The following NMD3 variants were observed in gnomAD, a reference collection of about 807,000 sequenced individuals.
The protein encoded by NMD3 is NMD3 ribosome export adaptor.
In NMD3, 47 loss-of-function variants were observed where a neutral mutation model predicts 73.1. That is an observed-to-expected ratio of 0.64 (90% CI 0.51 to 0.82). The LOEUF (loss-of-function observed/expected upper bound fraction) is 0.82, where lower values mean the gene tolerates loss of function less well. Among genes scored for constraint, NMD3 ranks in the 40% least tolerant of loss-of-function variants. The pLI is 0.00. For missense variants in NMD3, 554 were observed against 612.5 expected (o/e 0.90, Z 1.01); for synonymous variants, 210 against 194.5 (o/e 1.08, Z -0.66).
At chr3:161,247,988 G>A (rs773565455) in intron 13 of NMD3, among the ~76,000 whole-genome samples, 1 of 151,532 alleles carries the variant, frequency 6.6e-6, no homozygotes, top group African/African-American at 2.4e-5. Context: ...GTCTTGTTAT[G>A]TTGCTCAGGC....
downstream of NMD3, chr3:161,252,775 C>T (rs1254396085): frequency 1.5e-6 from 1 of 686,134 alleles, no homozygotes; most frequent in African/African-American, 1.8e-5. Context: ...GTAGCCAAAT[C>T]TGCACCTGAA....
intron 10 of NMD3, 43 bp downstream of exon 10, chr3:161,241,206 T>A: frequency 9.2e-7 from 1 of 1,082,410 alleles, no homozygotes; most frequent in Non-Finnish European, 1.4e-6. Context: ...TTGTTTTGTA[T>A]GACAAACAAT....
intron 3 of NMD3, among the ~76,000 whole-genome samples, chr3:161,225,511 T>C (rs1736278818): frequency 6.6e-6 from 1 of 152,234 alleles, no homozygotes; most frequent in Non-Finnish European, 1.5e-5. Flanking sequence ...CTATTGTTGA[T>C]GGAAAAGAAG....
At chr3:161,249,319 GTC>G in intron 13 of NMD3, 133 bp from the exon 14 acceptor site, 1 of 521,854 alleles carries the variant, frequency 1.9e-6, no homozygotes, top group Non-Finnish European at 3.4e-6. Flanking sequence ...TCTTGACACT[GTC>G]TCTCCATCCC....
In NMD3 at chr3:161,250,839, G is replaced by T. The variant is rs143131478; in HGVS notation, c.1441G>T (p.Ala481Ser). 6.2e-7 allele frequency: 1 copy of T among 1,611,760 alleles called. No individual in the cohort carries two copies. The highest frequency in any genetic ancestry group is 1.3e-5 in the African/African-American group (1 of 74,850). The change falls in exon 16 of 16, where the codon GCT (alanine) becomes TCT (serine). Residue 481 changes from alanine (A) to serine (S), a missense_variant. Coordinates refer to ENST00000351193, the MANE Select transcript of NMD3 (RefSeq NM_015938.5). ...DDEGAPRISL[A>S]EMLEDLHISQ... Reference sequence around the variant, plus strand: ...TGAAGGAGCACCTCGAATTAGTCTGGCTGAGATGCTTGAAGACCTTCATAT... The same window carrying T: ...TGAAGGAGCACCTCGAATTAGTCTGTCTGAGATGCTTGAAGACCTTCATAT...
At chr3:161,240,180 C>T (rs917321743) in intron 9 of NMD3, among the ~76,000 whole-genome samples, 5 of 152,136 alleles carry the variant, frequency 3.3e-5, no homozygotes, top group African/African-American at 1.2e-4. Context: ...ATAGATACAC[C>T]TTAAAATATA....
intron 1 of NMD3, 38 bp from the exon 2 acceptor site, chr3:161,221,956 C>A: frequency 1.9e-6 from 2 of 1,029,926 alleles, no homozygotes; most frequent in Non-Finnish European, 2.7e-6. Context: ...TCCCAACATT[C>A]TCTTTTTTTT....
chr3:161,246,701 A>ATATTTAGAAC (rs1737222794), intron 12 of NMD3, among the ~76,000 whole-genome samples: 1 of 152,198 alleles, frequency 6.6e-6, no homozygotes, highest in Non-Finnish European at 1.5e-5. Context: ...TTGAAGTTAT[A>ATATTTAGAAC]TGGTTGTATC....
chr3:161,238,106 T>C lies in NMD3; in HGVS notation c.578-7T>C, dbSNP rs1384184063. The C allele has an allele frequency of 1.3e-6, 2 of 1,573,732 alleles. No individual in the cohort carries two copies. The highest frequency in any genetic ancestry group is 1.9e-5 in the Admixed American group (1 of 52,094). ...TATTTTCATAGGGCTTTTTTTTTTTTTTTAAGATGGTCTGGATTTTTATTA... is the reference window on the plus strand; with the variant it reads ...TATTTTCATAGGGCTTTTTTTTTTTCTTTAAGATGGTCTGGATTTTTATTA... On this transcript the variant is annotated splice_region_variant and splice_polypyrimidine_tract_variant and intron_variant, in intron 7 of 15. Coordinates refer to ENST00000351193, the MANE Select transcript of NMD3 (RefSeq NM_015938.5).
chr3:161,244,743 C>T (rs964290863), intron 11 of NMD3, among the ~76,000 whole-genome samples: 2 of 150,632 alleles, frequency 1.3e-5, no homozygotes, highest in Admixed American at 1.3e-4. Context: ...TTGTGTGCTC[C>T]AGTGATCTTA....
At chr3:161,233,326 T>C (rs1232060380) in intron 4 of NMD3, 73 bp from the exon 5 acceptor site, 3 of 965,708 alleles carry the variant, frequency 3.1e-6, no homozygotes, top group African/African-American at 1.6e-5. Flanking sequence ...TGCTTATTGA[T>C]GATTTGTTCT....
At position 161,237,521 on chromosome 3, in the gene NMD3, T is replaced by C. The variant is rs1281601705; in HGVS notation, c.578-592T>C. Among the ~76,000 whole-genome samples the C allele has an allele frequency of 2.0e-5, 3 of 150,488 alleles. No homozygotes were observed. In the East Asian group the frequency reaches 5.9e-4, roughly 30 times the overall value. On this transcript the variant is annotated intron_variant, in intron 7 of 15. Transcript: ENST00000351193. ...TCTTCTTGGTAGATTATTCCATTTA[T>C]TACATAAAATAACTTTCTTTTTTTT... is the stretch of plus-strand genomic sequence containing the variant.
intron 4 of NMD3, among the ~76,000 whole-genome samples, chr3:161,229,761 C>T (rs1012565107): frequency 1.3e-5 from 2 of 152,054 alleles, no homozygotes; most frequent in Non-Finnish European, 2.9e-5. Flanking sequence ...GAGGAGGAAT[C>T]AGCAAAGGAG....
At chr3:161,235,034 A>G in intron 6 of NMD3, 88 bp from the exon 7 acceptor site, 1 of 874,662 alleles carries the variant, frequency 1.1e-6, no homozygotes, top group Non-Finnish European at 1.8e-6. Flanking sequence ...AAAAATCAGT[A>G]TGCTCTATCT....
chr3:161,235,941 T>A (rs568434938), intron 7 of NMD3, among the ~76,000 whole-genome samples: 5 of 152,218 alleles, frequency 3.3e-5, no homozygotes, highest in African/African-American at 1.2e-4. Context: ...TTATGTTAGT[T>A]TTTTCAAAAA....
intron 5 of NMD3, among the ~76,000 whole-genome samples, chr3:161,234,469 C>T (rs1169383853): frequency 6.7e-6 from 1 of 149,234 alleles, no homozygotes; most frequent in Admixed American, 6.7e-5. Context: ...GTAAAATATA[C>T]ACAGAATATT....
At chr3:161,249,187 G>T (rs1295866385) in intron 13 of NMD3, among the ~76,000 whole-genome samples, 1 of 152,112 alleles carries the variant, frequency 6.6e-6, no homozygotes, top group Non-Finnish European at 1.5e-5. Flanking sequence ...TACAGTTTTT[G>T]TTATTAAGAA....
Position 161,250,967 on chromosome 3 carries a change from T to G in NMD3, c.*57T>G, listed in dbSNP as rs532676078. The stretch of plus-strand genomic sequence containing the variant: ...CTTAAGAAGTTGGACAGAGTTACCT[T>G]AAGTGTCTCTACTATCTTTGCCTCC... On this transcript the variant is annotated 3_prime_UTR_variant, in exon 16 of 16. Coordinates refer to ENST00000351193, the MANE Select transcript of NMD3 (RefSeq NM_015938.5). 3 of 1,414,726 alleles carry G rather than the reference T, an allele frequency of 2.1e-6. No individual in the cohort carries two copies. Among genetic ancestry groups the G allele is most frequent in the African/African-American group, 2.8e-5 (2 of 70,644 alleles). 87.6% of individuals were successfully genotyped at this position (1,414,726 alleles called of 1,614,324 possible). A position where few individuals can be genotyped will look rare whatever the true frequency, so the allele number is the denominator to read the frequency against.
At chr3:161,224,779 C>T (rs893612354) in intron 2 of NMD3, 151 bp from the exon 3 acceptor site, 15 of 678,774 alleles carry the variant, frequency 2.2e-5, no homozygotes, top group Non-Finnish European at 2.8e-5. Flanking sequence ...GAGCCACTGG[C>T]TGGCCCAGGT....
Sources: gnomAD v4.1 joint callset for allele counts (sites outside exome capture counted in the v4.1 genomes callset) on GRCh38, gnomAD v4.1.1 for gene constraint, MANE v1.5 for transcripts, NCBI Gene and HGNC (gene_info 2026-07-23, HGNC 2026-07-21) for gene names.